Variants in TRHDE observed in about 807,000 individuals in gnomAD.
TRHDE encodes thyrotropin-releasing hormone-degrading ectoenzyme.
Under a neutral mutation model 125.7 loss-of-function variants are expected in TRHDE, and 72 were observed. The ratio of observed to expected loss-of-function variants is 0.57; its 90% CI spans 0.47 to 0.70. TRHDE has a LOEUF of 0.70. TRHDE is among the 30% of genes least tolerant of loss of function. TRHDE has a pLI of 0.00. For missense variants in TRHDE, 1,110 were observed against 1,327.1 expected (o/e 0.84, Z 2.54); for synonymous variants, 509 against 509.1 (o/e 1.00, Z 0.00).
intron 2 of TRHDE, among the ~76,000 whole-genome samples, chr12:72,151,922 A>G (rs2139321780): frequency 6.6e-6 from 1 of 151,580 alleles, no homozygotes; most frequent in African/African-American, 2.4e-5. Context: ...GTTTTTTCCA[A>G]TTCTGTGAAG....
intron 2 of TRHDE, among the ~76,000 whole-genome samples, chr12:72,370,955 C>T (rs1315555721): frequency 2.0e-5 from 3 of 152,044 alleles, no homozygotes; most frequent in South Asian, 2.1e-4. Flanking sequence ...GTTGGCCATG[C>T]GGGTCTCGAA....
At chr12:72,431,002 A>C (rs1443931946) in intron 3 of TRHDE, among the ~76,000 whole-genome samples, 1 of 151,504 alleles carries the variant, frequency 6.6e-6, no homozygotes, top group African/African-American at 2.4e-5. Context: ...TAAGCATTTT[A>C]CTCTTTTTGA....
At chr12:72,635,961 G>C (rs1212940701) in intron 15 of TRHDE, among the ~76,000 whole-genome samples, 2 of 151,666 alleles carry the variant, frequency 1.3e-5, no homozygotes, top group African/African-American at 4.8e-5. Context: ...TGTTCTTTTG[G>C]CTTAGGATTG....
chr12:72,567,078 A>T (rs896359508), intron 9 of TRHDE, among the ~76,000 whole-genome samples: 2 of 151,928 alleles, frequency 1.3e-5, no homozygotes, highest in Non-Finnish European at 2.9e-5. Context: ...AATGAAATAG[A>T]TCAGTTCTTT....
chr12:72,185,487 T>A (rs1877187606), intron 2 of TRHDE, among the ~76,000 whole-genome samples: 1 of 152,240 alleles, frequency 6.6e-6, no homozygotes, highest in African/African-American at 2.4e-5. Flanking sequence ...CGGGATCCAC[T>A]AGGTGAAGCC....
At chr12:72,117,870 A>G (rs1875485109) in intron 2 of TRHDE, among the ~76,000 whole-genome samples, 1 of 147,558 alleles carries the variant, frequency 6.8e-6, no homozygotes, top group African/African-American at 2.5e-5. Context: ...TTTTTTTCAG[A>G]TTGTTCACTG....
intron 15 of TRHDE, among the ~76,000 whole-genome samples, chr12:72,649,472 C>T (rs1874418231): frequency 6.6e-6 from 1 of 152,012 alleles, no homozygotes. Context: ...GGGAAAACTT[C>T]ATGACATTGG....
chr12:72,299,881 A>G (rs899293062), intron 2 of TRHDE, among the ~76,000 whole-genome samples: 7 of 152,172 alleles, frequency 4.6e-5, no homozygotes, highest in Admixed American at 2.6e-4. Flanking sequence ...ATGTTAAAAA[A>G]GAACAGAGAA....
intron 3 of TRHDE, among the ~76,000 whole-genome samples, chr12:72,405,515 G>A (rs534078997): frequency 1.2e-4 from 19 of 152,214 alleles, no homozygotes; most frequent in African/African-American, 4.1e-4. Context: ...TTTCCCCAGA[G>A]CCACCACTAC....
At chr12:72,464,728 C>T (rs1424332883) in intron 3 of TRHDE, among the ~76,000 whole-genome samples, 1 of 152,132 alleles carries the variant, frequency 6.6e-6, no homozygotes, top group Admixed American at 6.5e-5. Context: ...TGATAATTCT[C>T]AGCAATGCCA....
chr12:72,219,641 G>A (rs1292437944), intron 2 of TRHDE, among the ~76,000 whole-genome samples: 2 of 152,128 alleles, frequency 1.3e-5, no homozygotes, highest in African/African-American at 2.4e-5. Flanking sequence ...AACAGAAGAT[G>A]TTGATGACCA....
In TRHDE at chr12:72,301,241, G is replaced by C. The variant is rs150260619; in HGVS notation, c.1188+14287G>C. Among the ~76,000 whole-genome samples, 176 of 152,212 alleles carry C rather than the reference G, an allele frequency of 1.2e-3. No individual in the cohort carries two copies. The Middle Eastern group carries it at 0.014, about 12-fold the overall frequency. On this transcript the variant is annotated intron_variant, in intron 2 of 18. Transcript: ENST00000261180. ...AGAATTAATGCAGAAGTGTCTCTCAGTATTCCAGACAGGGAAAAAAATAAA... is the reference window on the plus strand; with the variant it reads ...AGAATTAATGCAGAAGTGTCTCTCACTATTCCAGACAGGGAAAAAAATAAA...
At chr12:72,270,420 G>A (rs1186358939), upstream of TRHDE, among the ~76,000 whole-genome samples, 1 of 151,266 alleles carries the variant, frequency 6.6e-6, no homozygotes, top group Non-Finnish European at 1.5e-5. Flanking sequence ...GCAGGGCTGT[G>A]TTTTTAGTGG....
intron 5 of TRHDE, among the ~76,000 whole-genome samples, chr12:72,488,210 A>C (rs946188103): frequency 2.6e-5 from 4 of 152,066 alleles, no homozygotes; most frequent in African/African-American, 7.2e-5. Context: ...TAATCAAAAG[A>C]CATAGAGTGG....
chr12:72,281,235 G>T (rs771425836), intron 1 of TRHDE, among the ~76,000 whole-genome samples: 1 of 152,120 alleles, frequency 6.6e-6, no homozygotes, highest in African/African-American at 2.4e-5. Flanking sequence ...TATTCAGCAG[G>T]AGTACTTCTC....
intron 5 of TRHDE, among the ~76,000 whole-genome samples, chr12:72,488,010 CAACA>C (rs150109326): frequency 0.04 from 6,133 of 151,676 alleles, 396 homozygotes; most frequent in African/African-American, 0.14. Flanking sequence ...AAAAAAAATT[CAACA>C]GATACACAAG....
At chr12:72,283,193 A>C (rs1565683508) in intron 1 of TRHDE, among the ~76,000 whole-genome samples, 1 of 152,218 alleles carries the variant, frequency 6.6e-6, no homozygotes, top group Non-Finnish European at 1.5e-5. Flanking sequence ...TCAAAAATAA[A>C]TGATTAAAAG....
At chr12:72,145,836 A>G (rs1457129403) in intron 2 of TRHDE, among the ~76,000 whole-genome samples, 4 of 152,182 alleles carry the variant, frequency 2.6e-5, no homozygotes, top group African/African-American at 4.8e-5. Context: ...CCCCCAGTGC[A>G]TGTAGTGCCC....
chr12:72,669,488 T>C lies in TRHDE; in HGVS notation c.*6293T>C, dbSNP rs539268107. The C allele has an allele frequency of 6.6e-6, 1 of 151,874 alleles. No homozygotes were observed. Among genetic ancestry groups the C allele is most frequent in the African/African-American group, 2.4e-5 (1 of 41,516 alleles). 9.4% of individuals were successfully genotyped at this position (151,874 alleles called of 1,614,324 possible). On this transcript the variant is annotated 3_prime_UTR_variant, in exon 19 of 19. Transcript: ENST00000261180. Reference sequence around the variant, plus strand: ...AGAGTGAAACGTTTTATAGAAAATATTACAGTGGAGTTAAGAACATCTGCC... The same window carrying C: ...AGAGTGAAACGTTTTATAGAAAATACTACAGTGGAGTTAAGAACATCTGCC...
Sources: gnomAD v4.1 joint callset for allele counts (sites outside exome capture counted in the v4.1 genomes callset) on GRCh38, gnomAD v4.1.1 for gene constraint, MANE v1.5 for transcripts, NCBI Gene and HGNC (gene_info 2026-07-23, HGNC 2026-07-21) for gene names.